Variants in HECW2 observed in about 807,000 individuals in gnomAD.
The protein encoded by HECW2 is HECT, C2 and WW domain containing E3 ubiquitin protein ligase 2, also known as E3 ubiquitin-protein ligase HECW2.
In HECW2, 61 loss-of-function variants were observed where a neutral mutation model predicts 175.2. The ratio of observed to expected loss-of-function variants is 0.35; its 90% CI spans 0.28 to 0.43. The LOEUF is 0.43. Ranked by LOEUF, HECW2 falls within the 20% of genes least tolerant of loss-of-function variation. The pLI is 1.00. For synonymous variants in HECW2, 671 were observed against 731.0 expected, an observed-to-expected ratio of 0.92 and a Z score of 1.32; for missense variants, 1,524 against 2,000.5, an observed-to-expected ratio of 0.76 and a Z score of 4.54.
chr2:196,288,508 G>A (rs778734955), intron 14 of HECW2: 3 of 152,336 alleles, frequency 2.0e-5, no homozygotes, highest in Non-Finnish European at 2.9e-5. Context: ...CATTCTCTCA[G>A]ACCACCATGG....
At chr2:196,512,369 C>A (rs1246444444) in intron 1 of HECW2, among the ~76,000 whole-genome samples, 1 of 152,152 alleles carries the variant, frequency 6.6e-6, no homozygotes, top group African/African-American at 2.4e-5. Context: ...CAGAAGATGT[C>A]ACTTTTTTAA....
intron 2 of HECW2, among the ~76,000 whole-genome samples, chr2:196,416,495 A>G (rs1258462425): frequency 2.0e-5 from 3 of 152,234 alleles, no homozygotes; most frequent in African/African-American, 7.2e-5. Context: ...ATGAGCCTCC[A>G]TCTAAGAAAC....
chr2:196,551,116 T>C (rs1225506096), intron 1 of HECW2, among the ~76,000 whole-genome samples: 3 of 152,190 alleles, frequency 2.0e-5, no homozygotes, highest in African/African-American at 4.8e-5. Flanking sequence ...AGAAGTTAAA[T>C]GAAATCCAAA....
At chr2:196,433,637 AG>A (rs1226046649) in intron 1 of HECW2, among the ~76,000 whole-genome samples, 179 bp from the exon 2 acceptor site, 4 of 152,188 alleles carry the variant, frequency 2.6e-5, no homozygotes, top group Admixed American at 2.6e-4. Flanking sequence ...CAGCTTCTAT[AG>A]AGTCAAGTCA....
intron 19 of HECW2, among the ~76,000 whole-genome samples, chr2:196,253,694 T>C (rs758776803): frequency 1.3e-5 from 2 of 152,222 alleles, no homozygotes; most frequent in East Asian, 3.8e-4. Context: ...AAATTCTATA[T>C]CTGAGTATGT....
At chr2:196,538,019 A>T (rs541016916) in intron 1 of HECW2, among the ~76,000 whole-genome samples, 3 of 152,274 alleles carry the variant, frequency 2.0e-5, no homozygotes, top group African/African-American at 7.2e-5. Flanking sequence ...TTCTTGTGGG[A>T]GATCCAAGAA....
At chr2:196,222,611 T>C (rs1311135665) in intron 23 of HECW2, among the ~76,000 whole-genome samples, 5 of 152,094 alleles carry the variant, frequency 3.3e-5, no homozygotes, top group Non-Finnish European at 7.4e-5. Flanking sequence ...GAACTGGAGG[T>C]GCAAAGAATG....
intron 2 of HECW2, among the ~76,000 whole-genome samples, chr2:196,386,205 G>A (rs778434562): frequency 1.3e-5 from 2 of 152,188 alleles, no homozygotes; most frequent in African/African-American, 4.8e-5. Flanking sequence ...GAGATGGAAA[G>A]GGGAGATGGA....
chr2:196,376,808 C>T (rs1040247409), intron 2 of HECW2, among the ~76,000 whole-genome samples: 1 of 151,858 alleles, frequency 6.6e-6, no homozygotes, highest in Non-Finnish European at 1.5e-5. Flanking sequence ...GTGGCATGCA[C>T]CTGTAATCCC....
chr2:196,204,519 G>A (rs1686996974), intron 28 of HECW2, among the ~76,000 whole-genome samples: 1 of 152,154 alleles, frequency 6.6e-6, no homozygotes, highest in African/African-American at 2.4e-5. Context: ...CAACCCAAGG[G>A]AACTTGGAAG....
At chr2:196,340,228 A>C (rs1692697656) in intron 3 of HECW2, among the ~76,000 whole-genome samples, 1 of 152,198 alleles carries the variant, frequency 6.6e-6, no homozygotes, top group Non-Finnish European at 1.5e-5. Flanking sequence ...AGTTCCATGC[A>C]ATCAGCTCCA....
At chr2:196,471,730 CTA>C (rs1697204932) in intron 1 of HECW2, among the ~76,000 whole-genome samples, 1 of 152,080 alleles carries the variant, frequency 6.6e-6, no homozygotes, top group Non-Finnish European at 1.5e-5. Context: ...AAACCAAATA[CTA>C]CATGTTCTCA....
At chr2:196,399,227 T>C (rs934902104) in intron 2 of HECW2, among the ~76,000 whole-genome samples, 2 of 151,102 alleles carry the variant, frequency 1.3e-5, no homozygotes, top group Non-Finnish European at 2.9e-5. Flanking sequence ...AGGCTAATTT[T>C]TTCCCCAAGG....
rs149644905 is a variant in HECW2, at chr2:196,361,905, C to T, written c.293-18141G>A. The T allele has an allele frequency of 7.3e-4, 718 of 985,338 alleles. 1 individual carries two copies. The highest frequency in any genetic ancestry group is 2.1e-3 in the Middle Eastern group (4 of 1,914). The allele number at this position is 985,338 out of a possible 1,614,324, so 61.0% of individuals were successfully genotyped here. A position where few individuals can be genotyped will look rare whatever the true frequency, so the allele number is the denominator to read the frequency against. On this transcript the variant is annotated intron_variant, in intron 2 of 28. Coordinates refer to ENST00000644978, the MANE Select transcript of HECW2 (RefSeq NM_001348768.2). The stretch of plus-strand genomic sequence containing the variant: ...TGGCATTCTTCCTTAAAATCATACA[C>T]CTGGCCAACCCACGTGGCAGTTTCA...
intron 1 of HECW2, among the ~76,000 whole-genome samples, chr2:196,585,907 G>A (rs1039774733): frequency 2.0e-5 from 3 of 152,136 alleles, no homozygotes; most frequent in African/African-American, 7.2e-5. Flanking sequence ...ATATCCAACT[G>A]TCAGAGAAAT....
chr2:196,268,113 A>G (rs570608834), intron 17 of HECW2, among the ~76,000 whole-genome samples: 3 of 152,352 alleles, frequency 2.0e-5, no homozygotes, highest in Non-Finnish European at 1.5e-5. Context: ...ATAAAACAGA[A>G]TGTTCTCTTA....
chr2:196,352,800 A>G (rs1274417192), intron 2 of HECW2, among the ~76,000 whole-genome samples: 1 of 152,216 alleles, frequency 6.6e-6, no homozygotes, highest in Non-Finnish European at 1.5e-5. Context: ...AGGAAAAGAA[A>G]TTACTGACAG....
chr2:196,541,730 G>C (rs1575654527), intron 1 of HECW2, among the ~76,000 whole-genome samples: 1 of 141,794 alleles, frequency 7.1e-6, no homozygotes, highest in East Asian at 2.0e-4. Context: ...AACATTTAAA[G>C]GTTTTTTTTT....
chr2:196,374,193 A>G (rs930482813), intron 2 of HECW2, among the ~76,000 whole-genome samples: 3 of 152,186 alleles, frequency 2.0e-5, no homozygotes, highest in African/African-American at 4.8e-5. Context: ...ATTATAGGGT[A>G]TTATGTAGCC....
Sources: gnomAD v4.1 joint callset for allele counts (sites outside exome capture counted in the v4.1 genomes callset) on GRCh38, gnomAD v4.1.1 for gene constraint, MANE v1.5 for transcripts, NCBI Gene and HGNC (gene_info 2026-07-23, HGNC 2026-07-21) for gene names.